PRKN: variants seen among roughly 807,000 people sequenced by gnomAD.
PRKN encodes the protein E3 ubiquitin-protein ligase parkin.
In PRKN, 56 loss-of-function variants were observed where a neutral mutation model predicts 59.5. The ratio of observed to expected loss-of-function variants is 0.94; its 90% CI spans 0.76 to 1.18. The LOEUF (loss-of-function observed/expected upper bound fraction) is 1.18, where lower values mean the gene tolerates loss of function less well. Ranked by LOEUF, PRKN falls within the 50% of genes most tolerant of loss-of-function variation. The pLI is 0.00. For missense variants in PRKN, 657 were observed against 596.4 expected, an observed-to-expected ratio of 1.10 and a Z score of -1.06; for synonymous variants, 250 against 222.1, an observed-to-expected ratio of 1.13 and a Z score of -1.12.
chr6:162,719,065 A>G (rs1778835171), intron 1 of PRKN, among the ~76,000 whole-genome samples: 1 of 152,200 alleles, frequency 6.6e-6, no homozygotes. Context: ...AGATTCCTAA[A>G]TGAACAAGAG....
At chr6:162,046,621 T>C (rs1229403767) in intron 5 of PRKN, among the ~76,000 whole-genome samples, 1 of 152,210 alleles carries the variant, frequency 6.6e-6, no homozygotes, top group African/African-American at 2.4e-5. Context: ...TATTTTTTCA[T>C]GTAGCAGTTT....
intron 4 of PRKN, among the ~76,000 whole-genome samples, chr6:162,148,240 G>T (rs1278108425): frequency 6.6e-6 from 1 of 152,110 alleles, no homozygotes; most frequent in Non-Finnish European, 1.5e-5. Flanking sequence ...GTTAGTTTTG[G>T]TTCTTATTCT....
intron 1 of PRKN, among the ~76,000 whole-genome samples, chr6:162,492,629 C>A (rs1396957995): frequency 6.6e-6 from 1 of 151,872 alleles, no homozygotes; most frequent in Non-Finnish European, 1.5e-5. Flanking sequence ...CATGGTGAAA[C>A]CCCCTCTCTA....
chr6:162,706,210 T>C (rs1778333564), intron 1 of PRKN, among the ~76,000 whole-genome samples: 1 of 151,308 alleles, frequency 6.6e-6, no homozygotes, highest in Admixed American at 6.6e-5. Flanking sequence ...AGCAATGAAT[T>C]AAAGAGGCAA....
At chr6:162,142,669 ATAGAG>A (rs1463156857) in intron 4 of PRKN, among the ~76,000 whole-genome samples, 1 of 152,204 alleles carries the variant, frequency 6.6e-6, no homozygotes, top group Non-Finnish European at 1.5e-5. Flanking sequence ...AGTGACCAAA[ATAGAG>A]TAAACAAACA....
chr6:161,707,226 T>C (rs1786538659), intron 7 of PRKN, among the ~76,000 whole-genome samples: 1 of 152,202 alleles, frequency 6.6e-6, no homozygotes, highest in Non-Finnish European at 1.5e-5. Context: ...CATTTTAATG[T>C]TAGCAATAAA....
chr6:162,456,553 G>A (rs1790882861), intron 1 of PRKN, among the ~76,000 whole-genome samples: 1 of 152,076 alleles, frequency 6.6e-6, no homozygotes, highest in South Asian at 2.1e-4. Context: ...GATGTGTAAA[G>A]ATATTTAAAA....
chr6:162,314,519 T>C (rs1314512970), intron 2 of PRKN, among the ~76,000 whole-genome samples: 1 of 152,092 alleles, frequency 6.6e-6, no homozygotes, highest in Non-Finnish European at 1.5e-5. Context: ...CCTAAGTAGC[T>C]AAAGACCGTG....
At chr6:162,216,019 G>A (rs1777636354) in intron 3 of PRKN, among the ~76,000 whole-genome samples, 2 of 152,070 alleles carry the variant, frequency 1.3e-5, no homozygotes, top group Admixed American at 6.5e-5. Flanking sequence ...CTGCACTCCA[G>A]CCTGCGCTAC....
At position 161,564,526 on chromosome 6, in the gene PRKN, G is replaced by A. The variant is rs73782932; in HGVS notation, c.933+4829C>T. 3.0e-3 allele frequency among the ~76,000 whole-genome samples: 455 copies of A among 152,220 alleles called. 1 individual carries two copies. Among genetic ancestry groups the A allele is most frequent in the African/African-American group, 0.01 (425 of 41,530 alleles). On this transcript the variant is annotated intron_variant, in intron 8 of 11. Coordinates refer to ENST00000366898, the MANE Select transcript of PRKN (RefSeq NM_004562.3). The stretch of plus-strand genomic sequence containing the variant: ...ACATTCTTCCCTAACTGAAACAGGC[G>A]TGTCCCTGAGGACACTACTTCGCCT...
At position 162,416,051 on chromosome 6, in the gene PRKN, G is replaced by A. The variant is rs761469056; in HGVS notation, c.171+27259C>T. Among the ~76,000 whole-genome samples the A allele has an allele frequency of 5.1e-4, 78 of 152,074 alleles. 1 individual carries two copies. Among genetic ancestry groups the A allele is most frequent in the Middle Eastern group, 3.4e-3 (1 of 292 alleles). On this transcript the variant is annotated intron_variant, in intron 2 of 11. Transcript: ENST00000366898. ...AGGCATGCCATCTCCAGTTCTCAGT[G>A]GCTCCACTACTTTCCAATATTTGAC...
intron 4 of PRKN, among the ~76,000 whole-genome samples, chr6:162,134,836 C>G (rs1471848998): frequency 6.6e-6 from 1 of 152,110 alleles, no homozygotes; most frequent in African/African-American, 2.4e-5. Context: ...TGACCCTATG[C>G]TAGCACTGTT....
chr6:161,599,656 G>T (rs1159587204), intron 7 of PRKN, among the ~76,000 whole-genome samples: 3 of 152,112 alleles, frequency 2.0e-5, no homozygotes, highest in African/African-American at 7.2e-5. Flanking sequence ...TTCAACCAAA[G>T]CCTGGCTTAC....
intron 1 of PRKN, among the ~76,000 whole-genome samples, chr6:162,625,209 G>A (rs1051714651): frequency 3.3e-5 from 5 of 152,196 alleles, no homozygotes; most frequent in South Asian, 4.1e-4. Context: ...CACGATGAGC[G>A]TGTAACTGAG....
At chr6:161,491,912 G>A (rs9364600) in intron 9 of PRKN, among the ~76,000 whole-genome samples, 62,888 of 152,094 alleles carry the variant, frequency 0.41, 15,899 homozygotes, top group Middle Eastern at 0.58. Flanking sequence ...GATTACAGGC[G>A]TGAGCCACCG....
At chr6:161,876,367 A>G (rs1008087783) in intron 6 of PRKN, among the ~76,000 whole-genome samples, 1 of 152,160 alleles carries the variant, frequency 6.6e-6, no homozygotes, top group Non-Finnish European at 1.5e-5. Flanking sequence ...ACGGAAGTAC[A>G]GTGGCACAAT....
intron 2 of PRKN, among the ~76,000 whole-genome samples, chr6:162,366,364 CA>C (rs1293704744): frequency 6.6e-6 from 1 of 151,980 alleles, no homozygotes; most frequent in African/African-American, 2.4e-5. Flanking sequence ...ATCTTATATC[CA>C]AATGGGATTT....
intron 2 of PRKN, among the ~76,000 whole-genome samples, chr6:162,441,641 G>A (rs1031439711): frequency 1.3e-5 from 2 of 151,968 alleles, no homozygotes; most frequent in Admixed American, 1.3e-4. Context: ...TCGGTTTTAG[G>A]GCTCATAAAT....
intron 2 of PRKN, among the ~76,000 whole-genome samples, chr6:162,338,505 C>G (rs527483388): frequency 6.6e-6 from 1 of 152,328 alleles, no homozygotes; most frequent in South Asian, 2.1e-4. Flanking sequence ...CCGCCAGCCT[C>G]GGCCTCCCGA....
Sources: gnomAD v4.1 joint callset for allele counts (sites outside exome capture counted in the v4.1 genomes callset) on GRCh38, gnomAD v4.1.1 for gene constraint, MANE v1.5 for transcripts, NCBI Gene and HGNC (gene_info 2026-07-23, HGNC 2026-07-21) for gene names.